The following CC2D2A variants were observed in gnomAD, a reference collection of about 807,000 sequenced individuals.
The protein encoded by CC2D2A is coiled-coil and C2 domain containing 2A, also known as coiled-coil and C2 domain-containing protein 2A.
In CC2D2A, 155 loss-of-function variants were observed where a neutral mutation model predicts 212.9. The observed-to-expected ratio is 0.73, with a 90% CI of 0.64 to 0.83. The LOEUF is 0.83. Among genes scored for constraint, CC2D2A ranks in the 40% least tolerant of loss-of-function variants. The pLI, the probability that CC2D2A is intolerant of heterozygous loss-of-function variation, is 0.00. For missense variants in CC2D2A, 1,856 were observed against 1,956.2 expected (o/e 0.95, Z 0.97); for synonymous variants, 667 against 686.5 (o/e 0.97, Z 0.44).
chr4:15,542,657 C>T (rs1017154685), intron 17 of CC2D2A, among the ~76,000 whole-genome samples: 4 of 152,174 alleles, frequency 2.6e-5, no homozygotes, highest in Non-Finnish European at 5.9e-5. Context: ...TGATAAATAG[C>T]TGCTGCCCTG....
intron 19 of CC2D2A, among the ~76,000 whole-genome samples, chr4:15,554,395 G>A (rs544884991): frequency 6.6e-6 from 1 of 152,278 alleles, no homozygotes; most frequent in Non-Finnish European, 1.5e-5. Context: ...GTTTTAGGCT[G>A]GGCACGGTGG....
intron 14 of CC2D2A, 142 bp downstream of exon 14, chr4:15,533,475 C>G: frequency 1.9e-6 from 1 of 517,464 alleles, no homozygotes; most frequent in East Asian, 3.6e-5. Context: ...ACATTGCATA[C>G]CTGAGCAGCC....
In CC2D2A at chr4:15,496,364, G is replaced by A. The variant is rs532612430; in HGVS notation, c.248-6065G>A. ...TACTTTTAGGGTTTCTAAAGTTTTA[G>A]GTTTTACATTTAAGTCTTTAATCCA... On this transcript the variant is annotated intron_variant, in intron 4 of 36. Transcript: ENST00000424120. Among the ~76,000 whole-genome samples, 105 of 152,200 alleles carry A rather than the reference G, an allele frequency of 6.9e-4. 1 individual carries two copies. The highest frequency in any genetic ancestry group is 2.0e-3 in the African/African-American group (85 of 41,514).
At chr4:15,589,045 C>T (rs1276738626) in intron 32 of CC2D2A, among the ~76,000 whole-genome samples, 1 of 151,768 alleles carries the variant, frequency 6.6e-6, no homozygotes, top group Non-Finnish European at 1.5e-5. Context: ...CCCCCAATTC[C>T]ACTCCCCTCC....
rs1212039197 is a variant in CC2D2A at position 15,580,085 on chromosome 4, A to C, written c.3889A>C (p.Thr1297Pro). ...AACAGTAATTGATATAAGCGGAAAA[A>C]CTGTTTTTATCACACGTTATCTCAA... ...LTTVIDISGK[T>P]VFITRYLKPL... The change falls in exon 30 of 37, where the codon ACT (threonine) becomes CCT (proline). Residue 1297 changes from threonine to proline, a missense_variant. Physicochemically the swap from Thr to Pro is conservative, Grantham distance 38 (BLOSUM62 -1). This residue lies in a region of CC2D2A where 1,512 missense variants were observed against 1,579.3 expected (regional missense o/e 0.96). Coordinates refer to ENST00000424120, the MANE Select transcript of CC2D2A (RefSeq NM_001378615.1). 5.0e-6 allele frequency: 8 copies of C among 1,613,906 alleles called. No individual in the cohort carries two copies. Among genetic ancestry groups the C allele is most frequent in the Non-Finnish European group, 6.8e-6 (8 of 1,179,860 alleles).
At chr4:15,535,401 C>T (rs2109032273) in intron 14 of CC2D2A, among the ~76,000 whole-genome samples, 1 of 152,174 alleles carries the variant, frequency 6.6e-6, no homozygotes, top group African/African-American at 2.4e-5. Flanking sequence ...AATTTATAGG[C>T]ATTTTACCCA....
chr4:15,589,784 A>AATATAT (rs33940641), intron 33 of CC2D2A, 105 bp downstream of exon 33: 656 of 288,380 alleles, frequency 2.3e-3, no homozygotes, highest in East Asian at 2.7e-3. Flanking sequence ...TATATAAATG[A>AATATAT]ATATATATAT....
intron 17 of CC2D2A, among the ~76,000 whole-genome samples, chr4:15,541,587 G>A (rs546357297): frequency 2.0e-5 from 3 of 152,012 alleles, no homozygotes; most frequent in Non-Finnish European, 1.5e-5. Context: ...GGTGCTGAAG[G>A]GGGTGGGGCA....
chr4:15,577,078 C>T (rs1417778101), intron 29 of CC2D2A, among the ~76,000 whole-genome samples: 3 of 152,182 alleles, frequency 2.0e-5, no homozygotes, highest in African/African-American at 7.2e-5. Context: ...GCTGCAGCCT[C>T]GACCTCTTCA....
intron 30 of CC2D2A, 79 bp from the exon 31 acceptor site, chr4:15,586,071 TATTTGAG>T: frequency 6.9e-6 from 6 of 871,298 alleles, no homozygotes; most frequent in East Asian, 2.5e-5. Flanking sequence ...ATGTTTGTAA[TATTTGAG>T]ATTTAAGAAA....
chr4:15,578,816 G>GTTTGT (rs1359155202), intron 29 of CC2D2A, among the ~76,000 whole-genome samples: 80 of 119,040 alleles, frequency 6.7e-4, no homozygotes, highest in African/African-American at 2.1e-3. Context: ...TTGTTTGTTT[G>GTTTGT]TTTTTAATAG....
chr4:15,561,084 G>C (rs147285834), intron 23 of CC2D2A, among the ~76,000 whole-genome samples: 1 of 152,244 alleles, frequency 6.6e-6, no homozygotes, highest in Non-Finnish European at 1.5e-5. Context: ...CTGGTGGGCA[G>C]AGAGCTGGTG....
chr4:15,497,974 G>T lies in CC2D2A; in HGVS notation c.248-4455G>T, dbSNP rs146171543. On this transcript the variant is annotated intron_variant, in intron 4 of 36. Transcript: ENST00000424120. ...AGAGGAACAGAAAATTATTTGAAAT[G>T]AAATACCTGTTTGTTAGGAAAACAT... Among the ~76,000 whole-genome samples, 98 of 152,318 alleles carry T rather than the reference G, an allele frequency of 6.4e-4. No individual in the cohort carries two copies. The East Asian group carries it at 0.018, about 27-fold the overall frequency.
intron 4 of CC2D2A, among the ~76,000 whole-genome samples, chr4:15,501,090 T>C (rs1715921765): frequency 2.6e-5 from 4 of 152,142 alleles, no homozygotes; most frequent in Non-Finnish European, 4.4e-5. Context: ...ACTTTTTCCT[T>C]ATTTCTCTAT....
intron 4 of CC2D2A, among the ~76,000 whole-genome samples, chr4:15,495,987 T>C (rs1467377073): frequency 1.3e-5 from 2 of 152,186 alleles, no homozygotes; most frequent in South Asian, 2.1e-4. Context: ...CTCTAATAAT[T>C]TGTGATGTTA....
At chr4:15,570,761 C>A (rs1720123970) in intron 28 of CC2D2A, among the ~76,000 whole-genome samples, 1 of 150,910 alleles carries the variant, frequency 6.6e-6, no homozygotes, top group Non-Finnish European at 1.5e-5. Flanking sequence ...GAGGCTGAGG[C>A]AGGAGAATCG....
intron 22 of CC2D2A, among the ~76,000 whole-genome samples, chr4:15,560,206 T>G (rs1719504785): frequency 6.6e-6 from 1 of 152,222 alleles, no homozygotes; most frequent in African/African-American, 2.4e-5. Flanking sequence ...TAAGTATGTG[T>G]GTTTTGAGAC....
intron 22 of CC2D2A, among the ~76,000 whole-genome samples, chr4:15,559,572 T>C (rs1330273742): frequency 6.6e-6 from 1 of 152,210 alleles, no homozygotes; most frequent in Non-Finnish European, 1.5e-5. Context: ...ATTACCTTTG[T>C]AATCAGAAAA....
intron 24 of CC2D2A, among the ~76,000 whole-genome samples, chr4:15,565,989 T>C (rs1014088488): frequency 6.6e-6 from 1 of 152,206 alleles, no homozygotes; most frequent in African/African-American, 2.4e-5. Flanking sequence ...TTGCATTAAA[T>C]GTTCCAATTA....
Sources: gnomAD v4.1 joint callset for allele counts (sites outside exome capture counted in the v4.1 genomes callset) on GRCh38, gnomAD v4.1.1 for gene constraint, gnomAD v4.1.1 regional missense constraint, MANE v1.5 for transcripts, NCBI Gene and HGNC (gene_info 2026-07-23, HGNC 2026-07-21) for gene names.